The following SLC6A18 variants were observed in gnomAD, a reference collection of about 807,000 sequenced individuals.
SLC6A18 encodes solute carrier family 6 member 18, also known as inactive sodium-dependent neutral amino acid transporter B(0)AT3.
Under a neutral mutation model 62.9 loss-of-function variants are expected in SLC6A18, and 58 were observed. That is an observed-to-expected ratio of 0.92 (90% CI 0.75 to 1.15). The LOEUF (loss-of-function observed/expected upper bound fraction) is 1.15, where lower values mean the gene tolerates loss of function less well. Among genes scored for constraint, SLC6A18 ranks in the 50% most tolerant of loss-of-function variants. The pLI, the probability that SLC6A18 is intolerant of heterozygous loss-of-function variation, is 0.00. For missense variants in SLC6A18, 793 were observed against 836.6 expected (o/e 0.95, Z 0.64); for synonymous variants, 382 against 365.8 (o/e 1.04, Z -0.51).
intron 4 of SLC6A18, among the ~76,000 whole-genome samples, chr5:1,236,844 G>C (rs980445512): frequency 1.3e-5 from 2 of 152,144 alleles, no homozygotes; most frequent in African/African-American, 4.8e-5. Flanking sequence ...CTTACATGGA[G>C]GGTGGGGGTC....
chr5:1,244,672 A>AG lies in SLC6A18; in HGVS notation c.1564dup (p.Val522GlyfsTer126). 1.2e-6 allele frequency: 2 copies of AG among 1,612,524 alleles called. No individual in the cohort carries two copies. Among genetic ancestry groups the AG allele is most frequent in the Non-Finnish European group, 1.7e-6 (2 of 1,178,884 alleles). On this transcript the variant is annotated frameshift_variant, in exon 11 of 12. Transcript: ENST00000324642. LOFTEE classifies it high-confidence loss of function. ...CAGCCCCTACTGGCGGCTGACCTGG[A>AG]GGGTGGTCAGTCCCCTGCTGCTGAC...
At chr5:1,229,137 C>T (rs1168765413) in intron 1 of SLC6A18, among the ~76,000 whole-genome samples, 1 of 152,216 alleles carries the variant, frequency 6.6e-6, no homozygotes, top group East Asian at 1.9e-4. Context: ...TGGCAGTCTA[C>T]ATACGGCTTT....
chr5:1,231,535 C>G (rs1746730769), intron 1 of SLC6A18, among the ~76,000 whole-genome samples: 1 of 152,108 alleles, frequency 6.6e-6, no homozygotes, highest in African/African-American at 2.4e-5. Context: ...GGGAACAGAG[C>G]AGCCCTCAAG....
At chr5:1,244,520 T>A (rs892885138) in intron 10 of SLC6A18, 88 bp from the exon 11 acceptor site, 2 of 1,548,212 alleles carry the variant, frequency 1.3e-6, no homozygotes, top group East Asian at 4.5e-5. Context: ...AGGGTGCAGG[T>A]TGGACCCCAG....
chr5:1,227,017 ACGCGCCCAACGCCT>A (rs1184701931), intron 1 of SLC6A18, among the ~76,000 whole-genome samples: 2 of 120,624 alleles, frequency 1.7e-5, no homozygotes. Context: ...TTGCCCGCCG[ACGCGCCCAACGCCT>A]TGCCCGCCGA....
At position 1,225,513 on chromosome 5, in the gene SLC6A18, C is replaced by T. The variant is rs143864547; in HGVS notation, c.36C>T (p.Cys12=). The T allele has an allele frequency of 5.0e-6, 8 of 1,613,326 alleles. No individual in the cohort carries two copies. The highest frequency in any genetic ancestry group is 2.7e-5 in the African/African-American group (2 of 75,008). The change falls in exon 1 of 12, where the codon TGC becomes TGT. Residue 12 remains cysteine, a synonymous_variant. Coordinates refer to ENST00000324642, the MANE Select transcript of SLC6A18 (RefSeq NM_182632.3). ...CCCCAGAACCGGACCCGGCCGCCTG[C>T]GACCTCGGGGATGAGAGGCCCAAGT... ...AHAPEPDPAA[C]DLGDERPKWD...
chr5:1,244,279 C>A lies in SLC6A18; in HGVS notation c.1402C>A (p.Leu468Met), dbSNP rs200964899. 2.5e-6 allele frequency: 4 copies of A among 1,613,876 alleles called. No individual in the cohort carries two copies. The East Asian group carries it at 8.9e-5, about 36-fold the overall frequency. Residue 468 changes from leucine (L) to methionine (M), a missense_variant, in exon 10 of 12, where the codon CTG (leucine) becomes ATG (methionine). Coordinates refer to ENST00000324642, the MANE Select transcript of SLC6A18 (RefSeq NM_182632.3). ...CFTLQSGNYWLEIFDNFAASP... is the reference protein window; with the variant it reads ...CFTLQSGNYWMEIFDNFAASP... ...CACGCTGCAGTCTGGGAACTACTGGCTGGAGATTTTCGACAATTTTGCCGC... is the reference window on the plus strand; with the variant it reads ...CACGCTGCAGTCTGGGAACTACTGGATGGAGATTTTCGACAATTTTGCCGC...
At chr5:1,245,545 G>A (rs558636998) in intron 11 of SLC6A18, among the ~76,000 whole-genome samples, 13 of 152,342 alleles carry the variant, frequency 8.5e-5, no homozygotes, top group South Asian at 4.1e-4. Flanking sequence ...CTGGGGACAC[G>A]GCCTCCAACG....
In SLC6A18 at chr5:1,243,486, AG is replaced by A; in HGVS notation, c.1132-67del. The A allele has an allele frequency of 6.5e-7, 1 of 1,531,134 alleles. No individual in the cohort carries two copies. Among genetic ancestry groups the A allele is most frequent in the East Asian group, 2.3e-5 (1 of 44,380 alleles). The allele number at this position is 1,531,134 out of a possible 1,614,324, so 94.8% of individuals were successfully genotyped here. On this transcript the variant is annotated intron_variant, in intron 8 of 11. Transcript: ENST00000324642. This position sits in a 1 kb window ranked among gnomAD's most constrained non-coding sequence, Gnocchi z 6.5. ...CGGCCTGGGAGAGTGTGTGTCCTGC[AG>A]GCAGGCGTGTGTGTGTGGTGGAGTG...
At chr5:1,226,848 G>A (rs993248299) in intron 1 of SLC6A18, among the ~76,000 whole-genome samples, 1 of 152,198 alleles carries the variant, frequency 6.6e-6, no homozygotes, top group African/African-American at 2.4e-5. Context: ...AGGTTGTGGG[G>A]GCAGCAGGCT....
At chr5:1,242,919 C>T in intron 8 of SLC6A18, 56 bp downstream of exon 8, 1 of 1,524,954 alleles carries the variant, frequency 6.6e-7, no homozygotes, top group Non-Finnish European at 8.9e-7. Flanking sequence ...AGCACCAGGG[C>T]CGCACTGGCT....
At chr5:1,227,967 GC>G (rs1425408639) in intron 1 of SLC6A18, among the ~76,000 whole-genome samples, 1 of 152,160 alleles carries the variant, frequency 6.6e-6, no homozygotes, top group African/African-American at 2.4e-5. Flanking sequence ...CATCAAGCGC[GC>G]CCCCTCCCCG....
chr5:1,234,850 G>A (rs907334845), intron 3 of SLC6A18, among the ~76,000 whole-genome samples: 1 of 152,240 alleles, frequency 6.6e-6, no homozygotes, highest in African/African-American at 2.4e-5. Flanking sequence ...CCTGTGGCAT[G>A]GGCAGTGGCC....
At chr5:1,230,817 G>T (rs1746713286) in intron 1 of SLC6A18, among the ~76,000 whole-genome samples, 1 of 152,196 alleles carries the variant, frequency 6.6e-6, no homozygotes, top group African/African-American at 2.4e-5. Context: ...CCACCCCGCA[G>T]CCTGTCCCAG....
At position 1,246,160 on chromosome 5, in the gene SLC6A18, G is replaced by C. The variant is rs1197693885; in HGVS notation, c.*82G>C. 6.8e-5 allele frequency: 80 copies of C among 1,176,236 alleles called. No individual in the cohort carries two copies. The highest frequency in any genetic ancestry group is 7.9e-5 in the East Asian group (3 of 38,024). 72.9% of individuals were successfully genotyped at this position (1,176,236 alleles called of 1,614,324 possible). On this transcript the variant is annotated 3_prime_UTR_variant, in exon 12 of 12. Coordinates refer to ENST00000324642, the MANE Select transcript of SLC6A18 (RefSeq NM_182632.3). ...TGGGCGGGGCCCCGCCCACAGGGCC[G>C]ACCCCAATACACCAGCGACTCAACC...
intron 7 of SLC6A18, 93 bp from the exon 8 acceptor site, chr5:1,242,614 A>G (rs1295220380): frequency 2.4e-5 from 36 of 1,498,912 alleles, no homozygotes; most frequent in Non-Finnish European, 3.0e-5. Context: ...CAGCCCTCCC[A>G]GGGATGCTGT....
intron 6 of SLC6A18, among the ~76,000 whole-genome samples, chr5:1,239,836 A>G (rs912919456): frequency 4.6e-5 from 7 of 152,370 alleles, no homozygotes; most frequent in Admixed American, 2.6e-4. Flanking sequence ...AAAAGCCTCA[A>G]TGGTCACCTG....
At chr5:1,229,804 A>G (rs764457522) in intron 1 of SLC6A18, among the ~76,000 whole-genome samples, 18 of 144,912 alleles carry the variant, frequency 1.2e-4, no homozygotes, top group Non-Finnish European at 1.5e-4. Flanking sequence ...TGATGTTTTC[A>G]CAGTGCAGGC....
Position 1,243,116 on chromosome 5 carries a change from G to A in SLC6A18, c.1131+253G>A, listed in dbSNP as rs1198846878. On this transcript the variant is annotated intron_variant, in intron 8 of 11. Coordinates refer to ENST00000324642, the MANE Select transcript of SLC6A18 (RefSeq NM_182632.3). The surrounding 1 kb of genome is among the most constrained non-coding windows in gnomAD (Gnocchi z 6.5). The stretch of plus-strand genomic sequence containing the variant: ...GGGGGTTGGGCTGACCCGAGAGAGT[G>A]GGCATTGCTGGTGCCCAGACCCCAG... 1.3e-5 allele frequency among the ~76,000 whole-genome samples: 2 copies of A among 152,200 alleles called. No individual in the cohort carries two copies. Among genetic ancestry groups the A allele is most frequent in the Non-Finnish European group, 2.9e-5 (2 of 68,038 alleles).
Sources: allele counts gnomAD v4.1 joint callset (sites outside exome capture counted in the v4.1 genomes callset), GRCh38; gene constraint gnomAD v4.1.1; non-coding constraint Gnocchi (gnomAD v3.1); transcripts MANE v1.5; gene names NCBI Gene and HGNC (gene_info 2026-07-23, HGNC 2026-07-21).